The following NOX4 variants were observed in gnomAD, a reference collection of about 807,000 sequenced individuals.
NOX4 encodes the protein NADPH oxidase 4.
Under a neutral mutation model 87.6 loss-of-function variants are expected in NOX4, and 69 were observed. The observed-to-expected ratio is 0.79, with a 90% CI of 0.65 to 0.96. The LOEUF (loss-of-function observed/expected upper bound fraction) is 0.96. NOX4 is among the 40% of genes least tolerant of loss of function. The probability of loss-of-function intolerance (pLI) is 0.00; values close to 1 mark genes in which losing one functional copy is unlikely to be tolerated. For missense variants in NOX4, 680 were observed against 681.5 expected, an observed-to-expected ratio of 1.00 and a Z score of 0.02; for synonymous variants, 275 against 238.2, an observed-to-expected ratio of 1.15 and a Z score of -1.42.
At chr11:89,524,032 G>C in the NOX4 span, among the ~76,000 whole-genome samples, 1 of 152,174 alleles carries the variant, frequency 6.6e-6, no homozygotes, top group Non-Finnish European at 1.5e-5. Context: ...TTGGAAATGG[G>C]AAAGATGGTG....
chr11:89,569,407 G>A, the NOX4 span, among the ~76,000 whole-genome samples: 1 of 152,036 alleles, frequency 6.6e-6, no homozygotes, highest in Non-Finnish European at 1.5e-5. Context: ...GATATGAATA[G>A]GCGTTTCTCA....
chr11:89,460,973 C>T (rs1310494502), intron 2 of NOX4, among the ~76,000 whole-genome samples: 1 of 152,164 alleles, frequency 6.6e-6, no homozygotes, highest in Non-Finnish European at 1.5e-5. Flanking sequence ...GAATACTATG[C>T]AGCCATAAAA....
the NOX4 span, among the ~76,000 whole-genome samples, chr11:89,526,233 G>T: frequency 6.6e-6 from 1 of 152,074 alleles, no homozygotes; most frequent in African/African-American, 2.4e-5. Context: ...AAAACATACT[G>T]CATTTAAACT....
chr11:89,423,016 T>C (rs1352279029), intron 7 of NOX4, among the ~76,000 whole-genome samples: 10 of 152,128 alleles, frequency 6.6e-5, no homozygotes, highest in Non-Finnish European at 1.3e-4. Flanking sequence ...GCCAGGCTGG[T>C]CTCGAACTCC....
In NOX4 at chr11:89,430,936, G is replaced by C. The variant is rs575876124; in HGVS notation, c.548+1848C>G. ...AAAAGAACAAAGCTGGAGGCATCAC[G>C]CTACCTGACTTCAAACAATACTACA... On this transcript the variant is annotated intron_variant, in intron 7 of 17. Transcript: ENST00000263317. Among the ~76,000 whole-genome samples, 24 of 152,196 alleles carry C rather than the reference G, an allele frequency of 1.6e-4. 1 individual carries two copies. Among genetic ancestry groups the C allele is most frequent in the African/African-American group, 5.3e-4 (22 of 41,526 alleles).
intron 11 of NOX4, among the ~76,000 whole-genome samples, chr11:89,387,061 C>A (rs151240628): frequency 0.034 from 5,223 of 152,124 alleles, 173 homozygotes; most frequent in East Asian, 0.13. Flanking sequence ...CCATGCCACC[C>A]CTAATCCTGC....
At chr11:89,468,540 T>C (rs552771048) in intron 2 of NOX4, among the ~76,000 whole-genome samples, 5 of 152,338 alleles carry the variant, frequency 3.3e-5, no homozygotes, top group Non-Finnish European at 2.9e-5. Context: ...AAGGCTCATC[T>C]TGAGTTTCCA....
At chr11:89,486,968 T>C (rs770328070) in intron 2 of NOX4, among the ~76,000 whole-genome samples, 4 of 152,134 alleles carry the variant, frequency 2.6e-5, no homozygotes, top group African/African-American at 4.8e-5. Context: ...TAAATGTCAC[T>C]GGTTTCTTTT....
chr11:89,449,200 T>C (rs1417376170), intron 4 of NOX4, among the ~76,000 whole-genome samples: 2 of 152,134 alleles, frequency 1.3e-5, no homozygotes, highest in Admixed American at 1.3e-4. Context: ...TCACACATTT[T>C]CCATGTGTAA....
rs558400202 is a variant in NOX4 at position 89,411,634 on chromosome 11, T to C, written c.630-9092A>G. Among the ~76,000 whole-genome samples the C allele has an allele frequency of 3.3e-5, 5 of 152,076 alleles. No homozygotes were observed. In the East Asian group the frequency reaches 7.8e-4, roughly 24 times the overall value. The stretch of plus-strand genomic sequence containing the variant: ...TGGGTTATATTGGTTGCAAGCCTCA[T>C]TGTAACCACAAATCAGAAAACATAC... On this transcript the variant is annotated intron_variant, in intron 8 of 17. Transcript: ENST00000263317.
the NOX4 span, among the ~76,000 whole-genome samples, chr11:89,535,888 C>T: frequency 6.6e-6 from 1 of 152,128 alleles, no homozygotes. Flanking sequence ...CTATTTATTT[C>T]AGCCATGGAG....
intron 2 of NOX4, among the ~76,000 whole-genome samples, chr11:89,462,863 AT>A (rs1330416934): frequency 5.3e-5 from 8 of 151,940 alleles, no homozygotes; most frequent in Non-Finnish European, 7.4e-5. Context: ...AAATAAAACT[AT>A]TTTTTTCAAT....
chr11:89,583,265 T>C, the NOX4 span, among the ~76,000 whole-genome samples: 1 of 152,116 alleles, frequency 6.6e-6, no homozygotes, highest in Non-Finnish European at 1.5e-5. Flanking sequence ...AAAAAAGCGT[T>C]GTCCTCAGCA....
At chr11:89,327,133 G>A (rs1276019089) in intron 17 of NOX4, among the ~76,000 whole-genome samples, 1 of 152,126 alleles carries the variant, frequency 6.6e-6, no homozygotes, top group African/African-American at 2.4e-5. Flanking sequence ...TTATTATCAG[G>A]TAGAGATTTA....
intron 4 of NOX4, among the ~76,000 whole-genome samples, chr11:89,445,235 G>A (rs1286971709): frequency 2.0e-5 from 3 of 152,054 alleles, no homozygotes; most frequent in Admixed American, 1.3e-4. Flanking sequence ...CACAATATGT[G>A]TAGTGCAATG....
the NOX4 span, among the ~76,000 whole-genome samples, chr11:89,581,326 C>T: frequency 1.3e-5 from 2 of 152,178 alleles, no homozygotes; most frequent in African/African-American, 2.4e-5. Context: ...TACTGCATTA[C>T]ACTTTATCAG....
chr11:89,338,224 C>G (rs1001531060), intron 15 of NOX4, among the ~76,000 whole-genome samples: 6 of 152,006 alleles, frequency 3.9e-5, no homozygotes, highest in African/African-American at 1.2e-4. Context: ...CTCTAGGGAC[C>G]TCCTATAAGT....
intron 12 of NOX4, among the ~76,000 whole-genome samples, chr11:89,360,055 T>C (rs1186049732): frequency 6.6e-6 from 1 of 152,036 alleles, no homozygotes; most frequent in African/African-American, 2.4e-5. Context: ...ACACCTAGTA[T>C]ATTGTAACCT....
chr11:89,531,293 C>T, the NOX4 span, among the ~76,000 whole-genome samples: 2 of 152,122 alleles, frequency 1.3e-5, no homozygotes, highest in Non-Finnish European at 2.9e-5. Context: ...GAACTCTCAC[C>T]AACACATTCA....
Sources: allele counts gnomAD v4.1 joint callset (sites outside exome capture counted in the v4.1 genomes callset), GRCh38; gene constraint gnomAD v4.1.1; transcripts MANE v1.5; gene names NCBI Gene and HGNC (gene_info 2026-07-23, HGNC 2026-07-21).